Variants in FARSB observed in about 807,000 individuals in gnomAD.
FARSB encodes phenylalanyl-tRNA synthetase subunit beta.
FARSB carries 40 observed loss-of-function variants against 69.6 expected under a neutral mutation model. The ratio of observed to expected loss-of-function variants is 0.57; its 90% confidence interval spans 0.45 to 0.75. The LOEUF (loss-of-function observed/expected upper bound fraction) is 0.75. Ranked by LOEUF, FARSB falls within the 30% of genes least tolerant of loss-of-function variation. The pLI is 0.00. For missense variants in FARSB, 632 were observed against 722.9 expected (o/e 0.87, Z 1.44); for synonymous variants, 235 against 247.2 (o/e 0.95, Z 0.46).
At chr2:222,602,092 G>A (rs915170910) in intron 15 of FARSB, among the ~76,000 whole-genome samples, 1 of 152,156 alleles carries the variant, frequency 6.6e-6, no homozygotes, top group Non-Finnish European at 1.5e-5. Context: ...CAACCTGGAT[G>A]ACTCTCAAAG....
chr2:222,652,981 G>C (rs556111031), intron 1 of FARSB, among the ~76,000 whole-genome samples: 3 of 152,240 alleles, frequency 2.0e-5, no homozygotes, highest in South Asian at 2.1e-4. Context: ...ATAAAATCGT[G>C]ATTACTAATT....
chr2:222,581,823 T>C (rs762898215), intron 16 of FARSB, among the ~76,000 whole-genome samples: 1 of 152,218 alleles, frequency 6.6e-6, no homozygotes, highest in Non-Finnish European at 1.5e-5. Context: ...CTTGTAAACA[T>C]GTAAATATGT....
At chr2:222,584,803 G>A (rs558588987) in intron 16 of FARSB, among the ~76,000 whole-genome samples, 1 of 152,310 alleles carries the variant, frequency 6.6e-6, no homozygotes, top group African/African-American at 2.4e-5. Context: ...AGGGGCATCC[G>A]CCACTGCTGA....
chr2:222,586,369 A>T lies in FARSB; in HGVS notation c.1618+13559T>A, dbSNP rs187725252. On this transcript the variant is annotated intron_variant, in intron 16 of 16. Transcript: ENST00000281828. Reference sequence around the variant, plus strand: ...AGAGCTCCTGAAGGAAGCACTAAACATGGAAAGGAACAACCGGTACCAGCC... The same window carrying T: ...AGAGCTCCTGAAGGAAGCACTAAACTTGGAAAGGAACAACCGGTACCAGCC... 7.3e-3 allele frequency among the ~76,000 whole-genome samples: 1,117 copies of T among 152,298 alleles called. 15 individuals carry two copies. Among genetic ancestry groups the T allele is most frequent in the African/African-American group, 0.025 (1,034 of 41,554 alleles).
chr2:222,573,945 ATAACT>A (rs988853773), intron 16 of FARSB, among the ~76,000 whole-genome samples: 2 of 152,258 alleles, frequency 1.3e-5, no homozygotes, highest in Non-Finnish European at 2.9e-5. Context: ...ATCTTCCCTG[ATAACT>A]TTACTGTGTT....
chr2:222,590,060 G>T (rs865911921), intron 16 of FARSB, among the ~76,000 whole-genome samples: 2 of 152,148 alleles, frequency 1.3e-5, no homozygotes, highest in South Asian at 2.1e-4. Context: ...AAAGACACAT[G>T]CACACGTATG....
chr2:222,617,319 T>C (rs955855275), intron 14 of FARSB, among the ~76,000 whole-genome samples: 5 of 152,212 alleles, frequency 3.3e-5, no homozygotes, highest in Admixed American at 2.0e-4. Flanking sequence ...ATTTAATGCA[T>C]TTCTGATTAT....
chr2:222,640,933 TA>T lies in FARSB; in HGVS notation c.270-3del. On this transcript the variant is annotated splice_polypyrimidine_tract_variant and splice_region_variant and intron_variant, in intron 3 of 16. Transcript: ENST00000281828. ...CGTTTATACACTGGAGCCTTTATCCTAAAATAATATTTAAATGAATTTACTC... is the reference window on the plus strand; with the variant it reads ...CGTTTATACACTGGAGCCTTTATCCTAAATAATATTTAAATGAATTTACTC... 1 of 1,422,192 alleles carries T rather than the reference TA, an allele frequency of 7.0e-7. No homozygotes were observed. The highest frequency in any genetic ancestry group is 9.7e-7 in the Non-Finnish European group (1 of 1,029,066). 88.1% of individuals were successfully genotyped at this position (1,422,192 alleles called of 1,614,324 possible).
intron 8 of FARSB, among the ~76,000 whole-genome samples, chr2:222,631,234 C>T (rs1440535494): frequency 2.6e-5 from 4 of 151,620 alleles, no homozygotes; most frequent in African/African-American, 9.7e-5. Flanking sequence ...AATTACTCCG[C>T]ATATAAATTA....
In FARSB at chr2:222,567,926, C is replaced by T. The variant is rs1429224777; in HGVS notation, c.*3945G>A. 6.6e-6 allele frequency: 1 copy of T among 152,144 alleles called. No homozygotes were observed. The highest frequency in any genetic ancestry group is 2.4e-5 in the African/African-American group (1 of 41,422). The allele number at this position is 152,144 out of a possible 1,614,324, so 9.4% of individuals were successfully genotyped here. A position where few individuals can be genotyped will look rare whatever the true frequency, so the allele number is the denominator to read the frequency against. ...GGAATAATTGAACAATTACGGACAT[C>T]TGTACAATAGAATATTACCTCATTT... On this transcript the variant is annotated 3_prime_UTR_variant, in exon 17 of 17. Transcript: ENST00000281828.
chr2:222,653,163 T>A (rs1048698212), intron 1 of FARSB, among the ~76,000 whole-genome samples: 3 of 152,190 alleles, frequency 2.0e-5, no homozygotes, highest in Non-Finnish European at 4.4e-5. Context: ...GGAAACCATC[T>A]GCACAGAAAG....
chr2:222,599,876 TAGCC>T, intron 16 of FARSB, 48 bp downstream of exon 16: 1 of 1,417,636 alleles, frequency 7.1e-7, no homozygotes, highest in Non-Finnish European at 9.4e-7. Flanking sequence ...AAACAAGGTG[TAGCC>T]TCTTCCTGAC....
At chr2:222,653,086 G>T (rs80223569) in intron 1 of FARSB, among the ~76,000 whole-genome samples, 2 of 152,108 alleles carry the variant, frequency 1.3e-5, no homozygotes, top group Non-Finnish European at 2.9e-5. Context: ...ATTACACCAC[G>T]CCAGAACAGG....
intron 16 of FARSB, among the ~76,000 whole-genome samples, chr2:222,573,988 T>A (rs1348521939): frequency 6.6e-6 from 1 of 152,194 alleles, no homozygotes; most frequent in African/African-American, 2.4e-5. Context: ...CCAAAATCCA[T>A]CCTTTCATCT....
rs768508850 is a variant in FARSB, at chr2:222,634,452, T to G, written c.545A>C (p.Lys182Thr). 13 of 1,612,238 alleles carry G rather than the reference T, an allele frequency of 8.1e-6. No individual in the cohort carries two copies. The highest frequency in any genetic ancestry group is 1.0e-5 in the Non-Finnish European group (12 of 1,178,542). ...TYTAKRPSDI[K>T]FKPLNKTKEY... ...CTTGGTCTTATTTAGAGGCTTGAAT[T>G]TGATATCTGAAGGACGCTTTGCAGT... The change falls in exon 6 of 17, where the codon AAA (lysine) becomes ACA (threonine). Residue 182 changes from lysine (K) to threonine (T), a missense_variant. Coordinates refer to ENST00000281828, the MANE Select transcript of FARSB (RefSeq NM_005687.5).
At chr2:222,615,740 G>T (rs963322217) in intron 14 of FARSB, among the ~76,000 whole-genome samples, 3 of 152,166 alleles carry the variant, frequency 2.0e-5, no homozygotes, top group Non-Finnish European at 4.4e-5. Context: ...AAATGGAATT[G>T]TTAGATTGTG....
intron 8 of FARSB, among the ~76,000 whole-genome samples, chr2:222,630,807 T>C (rs890577504): frequency 2.6e-5 from 4 of 152,194 alleles, no homozygotes; most frequent in Admixed American, 2.6e-4. Context: ...ACGAATTAAA[T>C]TTTTTAAAAA....
chr2:222,648,350 G>A (rs1298950298), intron 2 of FARSB, among the ~76,000 whole-genome samples: 1 of 152,212 alleles, frequency 6.6e-6, no homozygotes, highest in East Asian at 1.9e-4. Context: ...GGGCAGAGGA[G>A]CTGAAGGAGG....
chr2:222,605,958 T>C (rs1263293501), intron 15 of FARSB, among the ~76,000 whole-genome samples: 1 of 152,080 alleles, frequency 6.6e-6, no homozygotes, highest in Non-Finnish European at 1.5e-5. Context: ...ACTTAAAAAA[T>C]TTATACTCTA....
Sources: allele counts gnomAD v4.1 joint callset (sites outside exome capture counted in the v4.1 genomes callset), GRCh38; gene constraint gnomAD v4.1.1; transcripts MANE v1.5; gene names NCBI Gene and HGNC (gene_info 2026-07-23, HGNC 2026-07-21).